The following IGFN1 variants were observed in gnomAD, a reference collection of about 807,000 sequenced individuals.
The protein encoded by IGFN1 is immunoglobulin like and fibronectin type III domain containing 1.
A neutral mutation model predicts 289.5 loss-of-function variants in IGFN1; 253 were observed. The observed-to-expected ratio is 0.87, with a 90% CI of 0.79 to 0.97. The LOEUF is 0.97. Ranked by LOEUF, IGFN1 falls within the 50% of genes least tolerant of loss-of-function variation. The pLI is 0.00. For missense variants in IGFN1, 4,470 were observed against 4,686.1 expected, an observed-to-expected ratio of 0.95 and a Z score of 1.35; for synonymous variants, 1,706 against 1,788.5, an observed-to-expected ratio of 0.95 and a Z score of 1.16.
Position 201,195,826 on chromosome 1 carries a change from C to T in IGFN1, c.128-13C>T. The T allele has an allele frequency of 1.9e-6, 3 of 1,550,818 alleles. No individual in the cohort carries two copies. The highest frequency in any genetic ancestry group is 1.2e-5 in the South Asian group (1 of 83,878). ...AACTTGTCAGTCTCCCTACTCGTCT[C>T]TTCCTGCTGCAGGGAAAAATGCTGT... On this transcript the variant is annotated splice_polypyrimidine_tract_variant and intron_variant, in intron 3 of 23. Transcript: ENST00000335211.
rs746927076 is a variant in IGFN1, at chr1:201,224,795, A to AGACAGTGGT, written c.10408_10416dup (p.Asp3470_Gly3472dup). The AGACAGTGGT allele has an allele frequency of 1.9e-6, 3 of 1,614,144 alleles. No homozygotes were observed. In the Admixed American group the frequency reaches 5.0e-5, roughly 27 times the overall value. On this transcript the variant is annotated inframe_insertion, in exon 21 of 24. Transcript: ENST00000335211. ...TTCTGATCCCTGTGGCTGGACTCTCAGACAGTGGTCTCTACACTGTGGTGC... is the reference window on the plus strand; with the variant it reads ...TTCTGATCCCTGTGGCTGGACTCTCAGACAGTGGTGACAGTGGTCTCTACACTGTGGTGC...
In IGFN1 at chr1:201,219,886, G is replaced by A. The variant is rs1158985924; in HGVS notation, c.9898+1228G>A. ...AACTTACTCCTTGCAAATGGACCAA[G>A]CCTGTCCTATCTTTTCTTTTCTTCT... On this transcript the variant is annotated intron_variant, in intron 18 of 23. Coordinates refer to ENST00000335211, the MANE Select transcript of IGFN1 (RefSeq NM_001164586.2). Among the ~76,000 whole-genome samples, 3 of 152,126 alleles carry A rather than the reference G, an allele frequency of 2.0e-5. No homozygotes were observed. In the East Asian group the frequency reaches 5.8e-4, roughly 29 times the overall value.
At position 201,193,537 on chromosome 1, in the gene IGFN1, C is replaced by T. The variant is rs377382348; in HGVS notation, c.7+237C>T. On this transcript the variant is annotated intron_variant, in intron 2 of 23. Transcript: ENST00000335211. ...CGCGATCTCAGCTCACTGCAACCTC[C>T]ACCTCCCAGGTTCAAGTGATTCTCC... Among the ~76,000 whole-genome samples the T allele has an allele frequency of 6.6e-5, 10 of 152,240 alleles. 1 individual carries two copies. The highest frequency in any genetic ancestry group is 3.3e-4 in the Admixed American group (5 of 15,286).
intron 7 of IGFN1, among the ~76,000 whole-genome samples, 196 bp downstream of exon 7, chr1:201,199,850 A>C (rs1335732949): frequency 6.6e-6 from 1 of 152,188 alleles, no homozygotes; most frequent in Non-Finnish European, 1.5e-5. Context: ...CTGCCATTTC[A>C]AAGCTCTATA....
rs1653371768 is a variant in IGFN1 at position 201,217,276 on chromosome 1, C to T, written c.9596-11C>T. On this transcript the variant is annotated splice_polypyrimidine_tract_variant and intron_variant, in intron 16 of 23. Coordinates refer to ENST00000335211, the MANE Select transcript of IGFN1 (RefSeq NM_001164586.2). ...AGGCCTCTGGCTGACTGGAATCTTT[C>T]TTACCCCCAGCTCTCCCCAAGGCCC... The T allele has an allele frequency of 4.3e-6, 7 of 1,611,754 alleles. No individual in the cohort carries two copies. Among genetic ancestry groups the T allele is most frequent in the Non-Finnish European group, 3.4e-6 (4 of 1,178,912 alleles).
chr1:201,205,196 G>A lies in IGFN1; in HGVS notation c.1031G>A (p.Arg344Gln), dbSNP rs774621227. 19 of 1,551,156 alleles carry A rather than the reference G, an allele frequency of 1.2e-5. No homozygotes were observed. Among genetic ancestry groups the A allele is most frequent in the Admixed American group, 1.2e-4 (6 of 50,976 alleles). The stretch of plus-strand genomic sequence containing the variant: ...TGCCCTAGTGCAGCCTGGCATTTCC[G>A]GCACCGGCTACTCCACCCCAGTGAC... ...SPCPSAAWHF[R>Q]HRLLHPSDKY... is the part of the protein sequence containing the mutation. The change falls in exon 11 of 24, where the codon CGG becomes CAG. Residue 344 changes from arginine to glutamine, a missense_variant. By Grantham distance (43) the Arg-to-Gln change is conservative (BLOSUM62 1). Coordinates refer to ENST00000335211, the MANE Select transcript of IGFN1 (RefSeq NM_001164586.2).
At chr1:201,197,749 C>A (rs191331928) in intron 5 of IGFN1, among the ~76,000 whole-genome samples, 2 of 152,026 alleles carry the variant, frequency 1.3e-5, no homozygotes, top group African/African-American at 4.8e-5. Flanking sequence ...TTTTGGTGTG[C>A]GTGGTGTTTG....
At chr1:201,224,058 A>AT (rs1314861822) in intron 20 of IGFN1, among the ~76,000 whole-genome samples, 3 of 152,158 alleles carry the variant, frequency 2.0e-5, no homozygotes, top group Non-Finnish European at 4.4e-5. Context: ...GTTAGTGACT[A>AT]TCAGCATCTT....
chr1:201,226,673 G>A (rs1319406844), intron 22 of IGFN1, among the ~76,000 whole-genome samples: 4 of 150,540 alleles, frequency 2.7e-5, no homozygotes, highest in African/African-American at 1.0e-4. Context: ...CAGTGAATGT[G>A]TATTAGCTAC....
chr1:201,222,705 G>T, intron 19 of IGFN1, 34 bp from the exon 20 acceptor site: 2 of 1,526,818 alleles, frequency 1.3e-6, no homozygotes, highest in Non-Finnish European at 1.8e-6. Context: ...CTGTGAGGGA[G>T]GAGGGAGGTA....
In IGFN1 at chr1:201,213,582, T is replaced by C. The variant is rs1299837306; in HGVS notation, c.8689T>C (p.Tyr2897His). The change falls in exon 12 of 24, where the codon TAC becomes CAC. Residue 2897 changes from tyrosine to histidine, a missense_variant. By Grantham distance (83) the Tyr-to-His change is moderately conservative. Around this residue, in one of 8 missense-constraint regions of IGFN1, gnomAD observed 2,218 missense variants for 2,114.1 expected, o/e 1.05. Coordinates refer to ENST00000335211, the MANE Select transcript of IGFN1 (RefSeq NM_001164586.2). ...RDATRSSTSR[Y>H]KPGTGSFSKD... is the part of the protein sequence containing the mutation. ...TGCTACCCGGAGTTCCACATCCAGA[T>C]ACAAGCCTGGCACTGGCAGTTTCTC... is the stretch of plus-strand genomic sequence containing the variant. 1 of 1,613,964 alleles carries C rather than the reference T, an allele frequency of 6.2e-7. No homozygotes were observed. The highest frequency in any genetic ancestry group is 1.1e-5 in the South Asian group (1 of 91,084).
rs780229965 is a variant in IGFN1 at position 201,205,335 on chromosome 1, C to T, written c.1170C>T (p.Ser390=). 3.6e-5 allele frequency: 56 copies of T among 1,539,682 alleles called. No individual in the cohort carries two copies. Among genetic ancestry groups the T allele is most frequent in the Middle Eastern group, 1.7e-4 (1 of 5,938 alleles). ...YSLGTGLYTS[S]AWLVVEAGKD... ...TGGGCACCGGGCTCTACACTTCCAG[C>T]GCCTGGCTGGTGGTTGAAGGTGAGT... The change falls in exon 11 of 24, where the codon AGC becomes AGT. Residue 390 remains serine (S), a synonymous_variant. Coordinates refer to ENST00000335211, the MANE Select transcript of IGFN1 (RefSeq NM_001164586.2).
intron 14 of IGFN1, 110 bp downstream of exon 14, chr1:201,215,264 TATCTA>T (rs1171245426): frequency 1.7e-6 from 2 of 1,181,200 alleles, no homozygotes; most frequent in East Asian, 5.1e-5. Context: ...CTGCAGCCAG[TATCTA>T]ATCTCATCCC....
chr1:201,215,118 G>A lies in IGFN1; in HGVS notation c.8959G>A (p.Gly2987Ser), dbSNP rs781008830. Residue 2987 changes from glycine to serine, a missense_variant, in exon 14 of 24, where the codon GGT becomes AGT. Gly to Ser is a moderately conservative substitution (Grantham distance 56). This residue lies in a region of IGFN1 where 2,218 missense variants were observed against 2,114.1 expected (regional missense o/e 1.05). Coordinates refer to ENST00000335211, the MANE Select transcript of IGFN1 (RefSeq NM_001164586.2). ...AGCTGGGAGGTACACCTTTGTAGCT[G>A]GTGACCAGCAGAGCGAGGCCACCCT... ...TQAGRYTFVA[G>S]DQQSEATLTV... is the part of the protein sequence containing the mutation. 6.2e-7 allele frequency: 1 copy of A among 1,613,946 alleles called. No homozygotes were observed. Among genetic ancestry groups the A allele is most frequent in the Non-Finnish European group, 8.5e-7 (1 of 1,180,036 alleles).
chr1:201,207,523 C>T lies in IGFN1; in HGVS notation c.2630C>T (p.Thr877Met), dbSNP rs11804558. ...GMGGIWVAGL[T>M]ESGQGVDARS... ...GGTGGTATCTGGGTGGCTGGACTGA[C>T]GGAGTCTGGTCAGGGGGTGGATGCC... Residue 877 changes from threonine (T) to methionine (M), a missense_variant, in exon 12 of 24, where the codon ACG becomes ATG. Physicochemically the swap from Thr to Met is moderately conservative, Grantham distance 81. Around this residue, in one of 8 missense-constraint regions of IGFN1, gnomAD observed 2,011 missense variants for 1,953.4 expected, o/e 1.03. Transcript: ENST00000335211. 60,089 of 1,536,088 alleles carry T rather than the reference C, an allele frequency of 0.039. 8,870 individuals are homozygous for T. In the African/African-American group the frequency reaches 0.47, roughly 12 times the overall value.
At chr1:201,217,496 C>A (rs371871194) in intron 17 of IGFN1, 36 bp downstream of exon 17, 19 of 1,604,138 alleles carry the variant, frequency 1.2e-5, no homozygotes, top group African/African-American at 5.4e-5. Context: ...CTTCCTTAGA[C>A]CCCTCCTGGC....
In IGFN1 at chr1:201,199,256, A is replaced by G. The variant is rs1667047087; in HGVS notation, c.368-78A>G. 3 of 1,272,314 alleles carry G rather than the reference A, an allele frequency of 2.4e-6. No individual in the cohort carries two copies. In the South Asian group the frequency reaches 3.8e-5, roughly 16 times the overall value. 78.8% of individuals were successfully genotyped at this position (1,272,314 alleles called of 1,614,324 possible). A position where few individuals can be genotyped will look rare whatever the true frequency, so the allele number is the denominator to read the frequency against. ...GGCTCTGGGACTCCATCAGTTTCTC[A>G]GGAAGACCATCAACATGTCTTGCTT... is the stretch of plus-strand genomic sequence containing the variant. On this transcript the variant is annotated intron_variant, in intron 5 of 23. Transcript: ENST00000335211.
At chr1:201,219,559 C>T (rs769470251) in intron 18 of IGFN1, among the ~76,000 whole-genome samples, 9 of 152,214 alleles carry the variant, frequency 5.9e-5, no homozygotes, top group Non-Finnish European at 1.3e-4. Context: ...AGCGTCACTC[C>T]AAGGCGTACA....
At chr1:201,214,985 C>A (rs201917586) in intron 13 of IGFN1, 28 bp from the exon 14 acceptor site, 9 of 1,607,724 alleles carry the variant, frequency 5.6e-6, no homozygotes, top group African/African-American at 2.7e-5. Context: ...AGTGGGGTGA[C>A]CTTCTCCTGC....
Sources: allele counts gnomAD v4.1 joint callset (sites outside exome capture counted in the v4.1 genomes callset), GRCh38; gene constraint gnomAD v4.1.1; regional missense constraint gnomAD v4.1.1; transcripts MANE v1.5; gene names NCBI Gene and HGNC (gene_info 2026-07-23, HGNC 2026-07-21).